Variants in OR5A1 observed in about 807,000 individuals in gnomAD.
The protein encoded by OR5A1 is olfactory receptor family 5 subfamily A member 1.
In OR5A1, 6 loss-of-function variants were observed where a neutral mutation model predicts 6.7. The ratio of observed to expected loss-of-function variants is 0.89; its 90% CI spans 0.49 to 1.76. The LOEUF (loss-of-function observed/expected upper bound fraction) is 1.76, where lower values mean the gene tolerates loss of function less well. Among genes scored for constraint, OR5A1 ranks in the 40% most tolerant of loss-of-function variants. The pLI is 0.01. For missense variants in OR5A1, 378 were observed against 381.7 expected (o/e 0.99, Z 0.08); for synonymous variants, 170 against 155.0 (o/e 1.10, Z -0.72).
intron 1 of OR5A1, among the ~76,000 whole-genome samples, chr11:59,441,523 C>G (rs927314119): frequency 6.6e-6 from 1 of 152,094 alleles, no homozygotes; most frequent in Non-Finnish European, 1.5e-5. Flanking sequence ...TATTCCAAAC[C>G]TTTAAGGGTC....
At position 59,443,492 on chromosome 11, in the gene OR5A1, C is replaced by G; in HGVS notation, c.324C>G (p.Val108=). The G allele has an allele frequency of 6.2e-7, 1 of 1,613,920 alleles. No individual in the cohort carries two copies. Residue 108 remains valine (V), a synonymous_variant, in exon 2 of 2, where the codon GTC becomes GTG. Coordinates refer to ENST00000641045, the MANE Select transcript of OR5A1 (RefSeq NM_001004728.2). ...GTGCTGCTCAGTTTTTTTTCTTTGT[C>G]GGCATGGGTCTGTCTGAGTGCCTCC... ...VGCAAQFFFF[V]GMGLSECLLL... is the part of the protein sequence containing the mutation.
intron 1 of OR5A1, among the ~76,000 whole-genome samples, chr11:59,439,267 T>G (rs1459886942): frequency 1.3e-5 from 2 of 152,220 alleles, no homozygotes; most frequent in Admixed American, 6.5e-5. Context: ...CAAAGGTCTG[T>G]GCTAGGTGCT....
rs901069612 is a variant in OR5A1, at chr11:59,449,607, C to A, written c.*5491C>A. On this transcript the variant is annotated 3_prime_UTR_variant, in exon 2 of 2. Coordinates refer to ENST00000641045, the MANE Select transcript of OR5A1 (RefSeq NM_001004728.2). ...TAAAAGGTGATTAAAAGTTAGATGG[C>A]AGCAAAAAGACAACTATATAATGAT... The A allele has an allele frequency of 6.6e-6, 1 of 152,030 alleles. No homozygotes were observed. Among genetic ancestry groups the A allele is most frequent in the Non-Finnish European group, 1.5e-5 (1 of 68,010 alleles). The allele number at this position is 152,030 out of a possible 1,614,324, so 9.4% of individuals were successfully genotyped here.
At position 59,449,192 on chromosome 11, in the gene OR5A1, A is replaced by G. The variant is rs967218884; in HGVS notation, c.*5076A>G. Reference sequence around the variant, plus strand: ...TACTCCCTATGCTAATCATTATAGTAGACTTCTTATTCAGCATCAGTTAGG... The same window carrying G: ...TACTCCCTATGCTAATCATTATAGTGGACTTCTTATTCAGCATCAGTTAGG... On this transcript the variant is annotated 3_prime_UTR_variant, in exon 2 of 2. Coordinates refer to ENST00000641045, the MANE Select transcript of OR5A1 (RefSeq NM_001004728.2). The G allele has an allele frequency of 1.3e-5, 2 of 152,218 alleles. No individual in the cohort carries two copies. Among genetic ancestry groups the G allele is most frequent in the Non-Finnish European group, 2.9e-5 (2 of 68,048 alleles). The allele number at this position is 152,218 out of a possible 1,614,324, so 9.4% of individuals were successfully genotyped here.
chr11:59,438,763 C>T (rs1858449926), intron 1 of OR5A1, among the ~76,000 whole-genome samples: 2 of 152,214 alleles, frequency 1.3e-5, no homozygotes, highest in Admixed American at 6.5e-5. Flanking sequence ...CTTTACACAG[C>T]AGATTTTCCA....
rs1457257446 is a variant in OR5A1 at position 59,449,281 on chromosome 11, T to G, written c.*5165T>G. ...CAGAGCAGTGATGATGGGGAAGTTGTCAGGCTCACTTTACCAATGCAAAGG... is the reference window on the plus strand; with the variant it reads ...CAGAGCAGTGATGATGGGGAAGTTGGCAGGCTCACTTTACCAATGCAAAGG... On this transcript the variant is annotated 3_prime_UTR_variant, in exon 2 of 2. Coordinates refer to ENST00000641045, the MANE Select transcript of OR5A1 (RefSeq NM_001004728.2). 6.6e-6 allele frequency: 1 copy of G among 152,192 alleles called. No homozygotes were observed. The highest frequency in any genetic ancestry group is 1.5e-5 in the Non-Finnish European group (1 of 68,042). The allele number at this position is 152,192 out of a possible 1,614,324, so 9.4% of individuals were successfully genotyped here. A position where few individuals can be genotyped will look rare whatever the true frequency, so the allele number is the denominator to read the frequency against.
intron 1 of OR5A1, among the ~76,000 whole-genome samples, chr11:59,437,383 C>G (rs1858428601): frequency 6.6e-6 from 1 of 152,168 alleles, no homozygotes; most frequent in Admixed American, 6.5e-5. Context: ...TTACTGTCTC[C>G]ATAGTTTTGC....
In OR5A1 at chr11:59,444,076, C is replaced by T; in HGVS notation, c.908C>T (p.Ala303Val). The T allele has an allele frequency of 1.9e-6, 3 of 1,613,806 alleles. No individual in the cohort carries two copies. Among genetic ancestry groups the T allele is most frequent in the Non-Finnish European group, 2.5e-6 (3 of 1,179,814 alleles). Residue 303 changes from alanine to valine, a missense_variant, in exon 2 of 2, where the codon GCC becomes GTC. By Grantham distance (64) the Ala-to-Val change is moderately conservative. Coordinates refer to ENST00000641045, the MANE Select transcript of OR5A1 (RefSeq NM_001004728.2). ...TTGAGGAACAAAGAGATCAAGGATG[C>T]CCTGTGGAAGGTGTTGGAAAGGAAG... The part of the protein sequence containing the change: ...YSLRNKEIKD[A>V]LWKVLERKKV...
At chr11:59,441,750 T>TA (rs1344872155) in intron 1 of OR5A1, among the ~76,000 whole-genome samples, 2 of 152,202 alleles carry the variant, frequency 1.3e-5, no homozygotes, top group Admixed American at 6.5e-5. Flanking sequence ...CTTCATGCAC[T>TA]AAAAATTCAA....
At position 59,436,692 on chromosome 11, in the gene OR5A1, G is replaced by GA. The variant is rs1255538017; in HGVS notation, c.-171dup. On this transcript the variant is annotated 5_prime_UTR_variant, in exon 1 of 2. An upstream open reading frame in the 5' UTR loses its in-frame stop. Coordinates refer to ENST00000641045, the MANE Select transcript of OR5A1 (RefSeq NM_001004728.2). ...CCAAGAGGATATTTTGATCCTTGAT[G>GA]AAAAAACCAGCCGCAAGCTCTCTCC... The GA allele has an allele frequency of 3.3e-5, 5 of 152,128 alleles. No individual in the cohort carries two copies. Among genetic ancestry groups the GA allele is most frequent in the Non-Finnish European group, 7.3e-5 (5 of 68,040 alleles). The allele number at this position is 152,128 out of a possible 1,614,324, so 9.4% of individuals were successfully genotyped here.
At chr11:59,438,257 A>C (rs1244232506) in intron 1 of OR5A1, among the ~76,000 whole-genome samples, 2 of 152,208 alleles carry the variant, frequency 1.3e-5, no homozygotes, top group Non-Finnish European at 1.5e-5. Context: ...ATATTGTCTT[A>C]AATGGGACAT....
chr11:59,450,917 CTT>C lies in OR5A1; in HGVS notation c.*6802_*6803del, dbSNP rs1449238551. On this transcript the variant is annotated 3_prime_UTR_variant, in exon 2 of 2. Transcript: ENST00000641045. ...ACAAATTTTCTATATCAGACGCTAA[CTT>C]AAATTCTAATTTCTACTATTTGAAA... 6.6e-6 allele frequency: 1 copy of C among 152,182 alleles called. No individual in the cohort carries two copies. The highest frequency in any genetic ancestry group is 1.5e-5 in the Non-Finnish European group (1 of 68,022). 9.4% of individuals were successfully genotyped at this position (152,182 alleles called of 1,614,324 possible).
rs1422364575 is a variant in OR5A1, at chr11:59,450,450, C to T, written c.*6334C>T. The stretch of plus-strand genomic sequence containing the variant: ...AATTAGAGCTGTCTTTCCCACACAC[C>T]CTTTTCCATAATAAGTCAGCTTCTT... On this transcript the variant is annotated 3_prime_UTR_variant, in exon 2 of 2. Coordinates refer to ENST00000641045, the MANE Select transcript of OR5A1 (RefSeq NM_001004728.2). The T allele has an allele frequency of 6.6e-6, 1 of 152,084 alleles. No individual in the cohort carries two copies. The highest frequency in any genetic ancestry group is 1.5e-5 in the Non-Finnish European group (1 of 68,032). The allele number at this position is 152,084 out of a possible 1,614,324, so 9.4% of individuals were successfully genotyped here. A position where few individuals can be genotyped will look rare whatever the true frequency, so the allele number is the denominator to read the frequency against.
chr11:59,444,317 CAGA>C lies in OR5A1; in HGVS notation c.*203_*205del. ...TAGCCAAAAAGGGAAGGAATTTCTT[CAGA>C]AAAAAAAAAAAAAAAAAAAGAACCT... On this transcript the variant is annotated 3_prime_UTR_variant, in exon 2 of 2. Transcript: ENST00000641045. 1 of 59,164 alleles carries C rather than the reference CAGA, an allele frequency of 1.7e-5. No individual in the cohort carries two copies. Among genetic ancestry groups the C allele is most frequent in the Admixed American group, 1.8e-4 (1 of 5,550 alleles). The allele number at this position is 59,164 out of a possible 1,614,324, so 3.7% of individuals were successfully genotyped here.
rs1858612057 is a variant in OR5A1, at chr11:59,451,255, T to G, written c.*7139T>G. On this transcript the variant is annotated 3_prime_UTR_variant, in exon 2 of 2. Coordinates refer to ENST00000641045, the MANE Select transcript of OR5A1 (RefSeq NM_001004728.2). ...TTTTTCTTTCTTTCTTTCCCTTTTT[T>G]AATAGAGACAGGATCTTCCTATGTT... 1 of 152,164 alleles carries G rather than the reference T, an allele frequency of 6.6e-6. No homozygotes were observed. The highest frequency in any genetic ancestry group is 2.1e-4 in the South Asian group (1 of 4,832). The allele number at this position is 152,164 out of a possible 1,614,324, so 9.4% of individuals were successfully genotyped here.
rs1006753748 is a variant in OR5A1, at chr11:59,449,311, T to C, written c.*5195T>C. The C allele has an allele frequency of 3.3e-5, 5 of 152,122 alleles. No individual in the cohort carries two copies. The highest frequency in any genetic ancestry group is 1.2e-4 in the African/African-American group (5 of 41,420). 9.4% of individuals were successfully genotyped at this position (152,122 alleles called of 1,614,324 possible). On this transcript the variant is annotated 3_prime_UTR_variant, in exon 2 of 2. Transcript: ENST00000641045. ...CTCACTTTACCAATGCAAAGGTAGG[T>C]GAGGGCGTCCTGAAAATTTTGCACA... is the stretch of plus-strand genomic sequence containing the variant.
rs1247120512 is a variant in OR5A1 at position 59,447,877 on chromosome 11, G to A, written c.*3761G>A. The A allele has an allele frequency of 6.6e-6, 1 of 152,130 alleles. No individual in the cohort carries two copies. Among genetic ancestry groups the A allele is most frequent in the African/African-American group, 2.4e-5 (1 of 41,430 alleles). The allele number at this position is 152,130 out of a possible 1,614,324, so 9.4% of individuals were successfully genotyped here. A position where few individuals can be genotyped will look rare whatever the true frequency, so the allele number is the denominator to read the frequency against. On this transcript the variant is annotated 3_prime_UTR_variant, in exon 2 of 2. Coordinates refer to ENST00000641045, the MANE Select transcript of OR5A1 (RefSeq NM_001004728.2). ...ACTACATGCTCCCTGCAGGGAGACA[G>A]ATCCCAAAGAAAGAGAAGGAAGATC... is the stretch of plus-strand genomic sequence containing the variant.
rs1232838844 is a variant in OR5A1, at chr11:59,448,848, C to T, written c.*4732C>T. The T allele has an allele frequency of 1.3e-5, 2 of 152,048 alleles. No homozygotes were observed. Among genetic ancestry groups the T allele is most frequent in the African/African-American group, 4.8e-5 (2 of 41,392 alleles). The allele number at this position is 152,048 out of a possible 1,614,324, so 9.4% of individuals were successfully genotyped here. A position where few individuals can be genotyped will look rare whatever the true frequency, so the allele number is the denominator to read the frequency against. On this transcript the variant is annotated 3_prime_UTR_variant, in exon 2 of 2. Transcript: ENST00000641045. ...TCAATTATGTGACCCAAATTGTGAC[C>T]ATTGTCACATGAAATTGACTCTTGA... is the stretch of plus-strand genomic sequence containing the variant.
rs1373702141 is a variant in OR5A1 at position 59,436,500 on chromosome 11, C to T, written c.-369C>T. ...CATCTCCAAGGACAGAAGAAAAAAA[C>T]CTCTCCCCAATTTACCCCCAACCCC... On this transcript the variant is annotated 5_prime_UTR_variant, in exon 1 of 2. Transcript: ENST00000641045. 1 of 152,104 alleles carries T rather than the reference C, an allele frequency of 6.6e-6. No homozygotes were observed. The highest frequency in any genetic ancestry group is 6.6e-5 in the Admixed American group (1 of 15,244). The allele number at this position is 152,104 out of a possible 1,614,324, so 9.4% of individuals were successfully genotyped here. A position where few individuals can be genotyped will look rare whatever the true frequency, so the allele number is the denominator to read the frequency against.
Sources: allele counts gnomAD v4.1 joint callset (sites outside exome capture counted in the v4.1 genomes callset), GRCh38; gene constraint gnomAD v4.1.1; transcripts MANE v1.5; gene names NCBI Gene and HGNC (gene_info 2026-07-23, HGNC 2026-07-21).